Variants in ZNF138 observed in about 807,000 individuals in gnomAD.
The protein encoded by ZNF138 is zinc finger protein 138.
ZNF138 carries 33 observed loss-of-function variants against 33.0 expected under a neutral mutation model. The observed-to-expected ratio is 1.00, with a 90% CI of 0.76 to 1.34. The LOEUF is 1.34. Ranked by LOEUF, ZNF138 falls within the 40% of genes most tolerant of loss-of-function variation. ZNF138 has a pLI of 0.00. For synonymous variants in ZNF138, 139 were observed against 120.4 expected (o/e 1.15, Z -1.01); for missense variants, 360 against 370.8 (o/e 0.97, Z 0.24).
downstream of ZNF138, among the ~76,000 whole-genome samples, chr7:64,837,613 C>G (rs571319916): frequency 8.0e-4 from 122 of 152,260 alleles, no homozygotes; most frequent in Non-Finnish European, 1.5e-3. Flanking sequence ...GTCTCGAGAG[C>G]CAATTTGATT....
the ZNF138 span, among the ~76,000 whole-genome samples, chr7:64,850,655 C>T: frequency 6.6e-6 from 1 of 152,178 alleles, no homozygotes; most frequent in African/African-American, 2.4e-5. Flanking sequence ...CATTTATGGA[C>T]TATATGACAT....
chr7:64,830,677 G>A (rs1303907343), intron 3 of ZNF138, among the ~76,000 whole-genome samples: 1 of 151,822 alleles, frequency 6.6e-6, no homozygotes, highest in Non-Finnish European at 1.5e-5. Flanking sequence ...AATTGATAGG[G>A]CTATGTTGCC....
the ZNF138 span, among the ~76,000 whole-genome samples, chr7:64,848,349 C>A: frequency 6.6e-6 from 1 of 151,820 alleles, no homozygotes; most frequent in African/African-American, 2.4e-5. Context: ...TTTTCTCATT[C>A]TTTGTTTCTT....
intron 1 of ZNF138, among the ~76,000 whole-genome samples, chr7:64,810,411 C>T (rs1176517606): frequency 3.5e-5 from 3 of 86,606 alleles, no homozygotes; most frequent in South Asian, 5.4e-4. Flanking sequence ...AGTCCAGCTT[C>T]GGCTCAGCAT....
At chr7:64,823,349 G>A (rs925359110) in intron 3 of ZNF138, among the ~76,000 whole-genome samples, 1 of 151,912 alleles carries the variant, frequency 6.6e-6, no homozygotes, top group Non-Finnish European at 1.5e-5. Flanking sequence ...ATTTGTTGCT[G>A]TTTTGAGATG....
At chr7:64,840,127 G>A in the ZNF138 span, among the ~76,000 whole-genome samples, 4 of 152,068 alleles carry the variant, frequency 2.6e-5, no homozygotes, top group African/African-American at 4.8e-5. Flanking sequence ...GGTGGCGATC[G>A]CCATCTTGGA....
At chr7:64,829,011 A>C (rs1207250696) in intron 3 of ZNF138, among the ~76,000 whole-genome samples, 1 of 152,018 alleles carries the variant, frequency 6.6e-6, no homozygotes, top group Non-Finnish European at 1.5e-5. Context: ...ATATTTGTGA[A>C]TTTTTGGTGT....
the ZNF138 span, among the ~76,000 whole-genome samples, chr7:64,842,284 G>A: frequency 6.8e-6 from 1 of 146,396 alleles, no homozygotes; most frequent in South Asian, 2.3e-4. Context: ...GGCTGGTCTC[G>A]AACTCCTGAC....
chr7:64,804,363 G>A (rs7805047), intron 1 of ZNF138, among the ~76,000 whole-genome samples: 59,230 of 151,936 alleles, frequency 0.39, 11,764 homozygotes, highest in African/African-American at 0.43. Flanking sequence ...ATTGATCACA[G>A]CCTTCTCATG....
intron 3 of ZNF138, among the ~76,000 whole-genome samples, chr7:64,819,700 T>C (rs1306221595): frequency 6.6e-6 from 1 of 150,920 alleles, no homozygotes; most frequent in East Asian, 2.0e-4. Context: ...TTTATAATTC[T>C]GTATTTTTCT....
chr7:64,804,321 C>G (rs950293310), intron 1 of ZNF138, among the ~76,000 whole-genome samples: 5 of 152,160 alleles, frequency 3.3e-5, no homozygotes, highest in Non-Finnish European at 7.3e-5. Context: ...CCGGTGCATG[C>G]AGCCCCCAGT....
chr7:64,847,335 T>G, the ZNF138 span, among the ~76,000 whole-genome samples: 1 of 113,692 alleles, frequency 8.8e-6, no homozygotes, highest in African/African-American at 3.5e-5. Flanking sequence ...TATATATATT[T>G]TTTTTTTTTT....
intron 3 of ZNF138, chr7:64,830,812 T>G: frequency 9.0e-7 from 1 of 1,105,218 alleles, no homozygotes; most frequent in Non-Finnish European, 1.2e-6. Flanking sequence ...CTAAAGATTC[T>G]GAGAGTCTTT....
At position 64,832,230 on chromosome 7, in the gene ZNF138, A is replaced by G; in HGVS notation, c.*28A>G. ...ACTTACTGAACATAAGAAAATTTAC[A>G]CTAGAGAGAAAGCCTACAAATGTGA... On this transcript the variant is annotated 3_prime_UTR_variant, in exon 4 of 4. Transcript: ENST00000307355. 6.2e-7 allele frequency: 1 copy of G among 1,602,446 alleles called. No homozygotes were observed. The highest frequency in any genetic ancestry group is 2.2e-5 in the East Asian group (1 of 44,816).
chr7:64,819,436 T>G (rs575131299), intron 3 of ZNF138, among the ~76,000 whole-genome samples: 1 of 151,838 alleles, frequency 6.6e-6, no homozygotes, highest in African/African-American at 2.4e-5. Context: ...GGAAGGATCT[T>G]GGCTCACTGC....
Position 64,833,110 on chromosome 7 carries a change from CTT to C in ZNF138, c.*909_*910del. On this transcript the variant is annotated 3_prime_UTR_variant, in exon 4 of 4. Transcript: ENST00000307355. ...TGGAAATTCAAAGAATGTGGTAAAA[CTT>C]ACAATCCTCAAAACTTCTTACACCT... The C allele has an allele frequency of 7.0e-6, 2 of 284,884 alleles. No individual in the cohort carries two copies. Among genetic ancestry groups the C allele is most frequent in the East Asian group, 8.4e-5 (1 of 11,954 alleles). The allele number at this position is 284,884 out of a possible 1,614,324, so 17.6% of individuals were successfully genotyped here.
intron 3 of ZNF138, among the ~76,000 whole-genome samples, chr7:64,827,710 CT>C (rs1201704402): frequency 6.6e-6 from 1 of 151,548 alleles, no homozygotes; most frequent in African/African-American, 2.4e-5. Flanking sequence ...CTCTGGATTA[CT>C]TTTTTTTCAA....
At chr7:64,847,334 T>TATATATATATATATATATATATATA in the ZNF138 span, among the ~76,000 whole-genome samples, 1 of 93,606 alleles carries the variant, frequency 1.1e-5, no homozygotes, top group African/African-American at 4.4e-5. Flanking sequence ...ATATATATAT[T>TATATATATATATATATATATATATA]TTTTTTTTTT....
chr7:64,852,592 ACAGATCAGAAG>A, the ZNF138 span: 1 of 1,538,434 alleles, frequency 6.5e-7, no homozygotes, highest in East Asian at 2.3e-5. Context: ...CACATGGTAA[ACAGATCAGAAG>A]CCCGCCTGTC....
Sources: gnomAD v4.1 joint callset for allele counts (sites outside exome capture counted in the v4.1 genomes callset) on GRCh38, gnomAD v4.1.1 for gene constraint, MANE v1.5 for transcripts, NCBI Gene and HGNC (gene_info 2026-07-23, HGNC 2026-07-21) for gene names.